The following BLTP1 variants were observed in gnomAD, a reference collection of about 807,000 sequenced individuals.
BLTP1 encodes the protein fragile site-associated protein.
At chr4:122,356,996 A>C in the BLTP1 span, 1 of 983,906 alleles carries the variant, frequency 1.0e-6, no homozygotes, top group Non-Finnish European at 1.2e-6. Context: ...GTACATTTTC[A>C]GTTAGATCTT....
chr4:122,197,504 A>G, the BLTP1 span: 2 of 822,926 alleles, frequency 2.4e-6, no homozygotes, highest in South Asian at 5.6e-5. Flanking sequence ...ATTATAACGT[A>G]TACATTTCTT....
chr4:122,272,669 T>G, the BLTP1 span, among the ~76,000 whole-genome samples: 4 of 152,064 alleles, frequency 2.6e-5, no homozygotes, highest in Admixed American at 2.6e-4. Flanking sequence ...TTCTTTGTCT[T>G]TTAATATCAA....
the BLTP1 span, chr4:122,155,098 G>A: frequency 5.1e-6 from 1 of 195,684 alleles, no homozygotes; most frequent in Non-Finnish European, 9.3e-6. Flanking sequence ...TGGTCTTCAT[G>A]GCCCTGGAGA....
the BLTP1 span, among the ~76,000 whole-genome samples, chr4:122,191,267 T>A: frequency 1.3e-5 from 2 of 152,038 alleles, no homozygotes; most frequent in Admixed American, 6.5e-5. Context: ...CTGCACTAAT[T>A]GCATTTTTTT....
At chr4:122,279,869 G>T in the BLTP1 span, 1 of 1,614,112 alleles carries the variant, frequency 6.2e-7, no homozygotes, top group Non-Finnish European at 8.5e-7. Context: ...CAAAGTAGGA[G>T]CTATCAGTAT....
the BLTP1 span, chr4:122,273,355 C>G: frequency 1.0e-6 from 1 of 984,338 alleles, no homozygotes; most frequent in Non-Finnish European, 1.2e-6. Context: ...GTGAACCACA[C>G]ACACGGTTCT....
the BLTP1 span, among the ~76,000 whole-genome samples, chr4:122,274,094 G>T: frequency 5.9e-5 from 9 of 151,920 alleles, no homozygotes; most frequent in Non-Finnish European, 1.3e-4. Context: ...TGCAGGAATG[G>T]CATATTGAAG....
chr4:122,241,107 A>G, the BLTP1 span, among the ~76,000 whole-genome samples: 1 of 152,196 alleles, frequency 6.6e-6, no homozygotes, highest in Admixed American at 6.5e-5. Context: ...GAGAATAACA[A>G]GGGGTGGGGA....
the BLTP1 span, chr4:122,224,092 C>T: frequency 1.0e-6 from 1 of 982,318 alleles, no homozygotes; most frequent in Non-Finnish European, 1.2e-6. Flanking sequence ...ATTGTTTGGT[C>T]TTAATGGTCT....
chr4:122,301,115 T>C, the BLTP1 span: 4 of 750,504 alleles, frequency 5.3e-6, no homozygotes, highest in Non-Finnish European at 6.5e-6. Flanking sequence ...TTAATAAATG[T>C]CTACATATGC....
At chr4:122,316,656 G>T in the BLTP1 span, 1 of 1,548,158 alleles carries the variant, frequency 6.5e-7, no homozygotes, top group South Asian at 1.2e-5. Flanking sequence ...TTGATTTAAG[G>T]TGTTAATTTT....
chr4:122,259,605 T>C, the BLTP1 span, among the ~76,000 whole-genome samples: 6 of 152,302 alleles, frequency 3.9e-5, no homozygotes, highest in African/African-American at 1.2e-4. Context: ...TTCATGCCTA[T>C]AATTCCAGCA....
At chr4:122,186,163 G>C in the BLTP1 span, 1 of 1,612,336 alleles carries the variant, frequency 6.2e-7, no homozygotes, top group Non-Finnish European at 8.5e-7. Flanking sequence ...TTCCACCTAA[G>C]AAAGATGATG....
the BLTP1 span, among the ~76,000 whole-genome samples, chr4:122,361,565 G>A: frequency 6.6e-6 from 1 of 152,140 alleles, no homozygotes; most frequent in African/African-American, 2.4e-5. Flanking sequence ...GGCAGAAGGT[G>A]GCCAGGAGCG....
At chr4:122,284,517 G>A in the BLTP1 span, among the ~76,000 whole-genome samples, 1 of 151,968 alleles carries the variant, frequency 6.6e-6, no homozygotes, top group African/African-American at 2.4e-5. Context: ...CCTTTATTAT[G>A]TTAACATAAT....
chr4:122,214,768 T>C, the BLTP1 span, among the ~76,000 whole-genome samples: 3 of 151,742 alleles, frequency 2.0e-5, no homozygotes, highest in African/African-American at 7.3e-5. Flanking sequence ...TGCGCCACCA[T>C]GCCTGGATAA....
At chr4:122,229,936 T>C in the BLTP1 span, 1 of 1,611,606 alleles carries the variant, frequency 6.2e-7, no homozygotes, top group Non-Finnish European at 8.5e-7. Flanking sequence ...TTTAGATGGG[T>C]GCAATTCGAG....
chr4:122,313,798 A>C, the BLTP1 span: 2 of 593,454 alleles, frequency 3.4e-6, no homozygotes, highest in East Asian at 6.8e-5. Flanking sequence ...TTAAAAAAAA[A>C]CTATTTTGTA....
At chr4:122,235,283 A>C in the BLTP1 span, 255 of 922,316 alleles carry the variant, frequency 2.8e-4, no homozygotes, top group Non-Finnish European at 3.1e-4. Context: ...AATTTTTTCT[A>C]AATATTTCCT....
Sources: allele counts gnomAD v4.1 joint callset (sites outside exome capture counted in the v4.1 genomes callset), GRCh38; gene constraint gnomAD v4.1.1; transcripts MANE v1.5; gene names NCBI Gene and HGNC (gene_info 2026-07-23, HGNC 2026-07-21).